Variants in PTPRD observed in about 807,000 individuals in gnomAD.
PTPRD encodes receptor-type tyrosine-protein phosphatase delta.
In PTPRD, 34 loss-of-function variants were observed where a neutral mutation model predicts 214.5. The ratio of observed to expected loss-of-function variants is 0.16; its 90% CI spans 0.12 to 0.21. The LOEUF (loss-of-function observed/expected upper bound fraction) is 0.21. PTPRD is among the 10% of genes least tolerant of loss of function. The pLI is 1.00. For missense variants in PTPRD, 2,545 were observed against 2,398.7 expected, an observed-to-expected ratio of 1.06 and a Z score of -1.27; for synonymous variants, 1,128 against 845.7, an observed-to-expected ratio of 1.33 and a Z score of -5.79.
chr9:8,422,147 CAAAAAAAAAAAAA>C (rs768623202), intron 35 of PTPRD, among the ~76,000 whole-genome samples: 2 of 33,992 alleles, frequency 5.9e-5, no homozygotes, highest in Non-Finnish European at 1.1e-4. Flanking sequence ...ACCCTGTCTC[CAAAAAAAAAAAAA>C]AAAAAAAAAA....
At chr9:8,462,643 G>C (rs2096444753) in intron 32 of PTPRD, among the ~76,000 whole-genome samples, 1 of 151,726 alleles carries the variant, frequency 6.6e-6, no homozygotes, top group Admixed American at 6.6e-5. Flanking sequence ...ACAACATTTA[G>C]CTCCTGAAAT....
At chr9:9,902,883 A>AT (rs2076724013) in intron 5 of PTPRD, among the ~76,000 whole-genome samples, 1 of 152,072 alleles carries the variant, frequency 6.6e-6, no homozygotes, top group African/African-American at 2.4e-5. Context: ...ACACAGCAAC[A>AT]TTTTCTACAT....
intron 9 of PTPRD, among the ~76,000 whole-genome samples, chr9:9,346,075 G>A (rs931428729): frequency 2.6e-5 from 4 of 152,032 alleles, no homozygotes; most frequent in African/African-American, 4.8e-5. Context: ...GCTCCCTCAC[G>A]TAGTGCTGTG....
intron 2 of PTPRD, among the ~76,000 whole-genome samples, chr9:10,487,174 T>G (rs912130229): frequency 1.3e-5 from 2 of 152,172 alleles, no homozygotes; most frequent in Non-Finnish European, 2.9e-5. Context: ...TTATTTTCAG[T>G]CTATGGGTAC....
At chr9:8,638,875 ACT>A (rs1183348003) in intron 12 of PTPRD, among the ~76,000 whole-genome samples, 1 of 151,810 alleles carries the variant, frequency 6.6e-6, no homozygotes, top group Non-Finnish European at 1.5e-5. Flanking sequence ...ATGGAGTCTC[ACT>A]CTGTCGCCAG....
intron 4 of PTPRD, among the ~76,000 whole-genome samples, chr9:9,955,506 T>TTTTTGTTTTG (rs1206298867): frequency 1.3e-5 from 2 of 149,806 alleles, no homozygotes; most frequent in Non-Finnish European, 3.0e-5. Flanking sequence ...GTTTTCGTTT[T>TTTTTGTTTTG]TTTTGTTTTG....
chr9:9,519,562 A>G (rs2154253189), intron 8 of PTPRD, among the ~76,000 whole-genome samples: 1 of 152,160 alleles, frequency 6.6e-6, no homozygotes, highest in East Asian at 1.9e-4. Flanking sequence ...GATCGTATGA[A>G]CAACTGTATT....
intron 8 of PTPRD, among the ~76,000 whole-genome samples, chr9:9,523,611 G>A (rs2097047289): frequency 6.6e-6 from 1 of 151,782 alleles, no homozygotes; most frequent in Admixed American, 6.6e-5. Context: ...AACTGCCCTT[G>A]TTAAAGTCCT....
At chr9:9,566,215 A>G (rs1478381743) in intron 8 of PTPRD, among the ~76,000 whole-genome samples, 4 of 152,020 alleles carry the variant, frequency 2.6e-5, no homozygotes, top group Non-Finnish European at 5.9e-5. Flanking sequence ...TATTTTGAAG[A>G]CTGTTATTAT....
chr9:10,445,357 G>C (rs2098791329), intron 2 of PTPRD, among the ~76,000 whole-genome samples: 1 of 152,026 alleles, frequency 6.6e-6, no homozygotes, highest in South Asian at 2.1e-4. Context: ...TTTTAGGCAG[G>C]TACAGAGAGA....
chr9:8,784,585 G>C (rs572251400), intron 11 of PTPRD, among the ~76,000 whole-genome samples: 1 of 152,094 alleles, frequency 6.6e-6, no homozygotes. Context: ...ATTAAACAGC[G>C]TCAGAACCTT....
intron 7 of PTPRD, among the ~76,000 whole-genome samples, chr9:9,639,305 T>C (rs940417723): frequency 6.6e-6 from 1 of 152,190 alleles, no homozygotes; most frequent in African/African-American, 2.4e-5. Flanking sequence ...CTACATTTTA[T>C]AGTTTGTGTT....
At chr9:8,924,991 T>C (rs1401720918) in intron 11 of PTPRD, among the ~76,000 whole-genome samples, 2 of 152,140 alleles carry the variant, frequency 1.3e-5, no homozygotes, top group Non-Finnish European at 2.9e-5. Flanking sequence ...CTTGGTCCCA[T>C]ATGTTATATT....
chr9:8,880,416 C>T (rs2098435708), intron 11 of PTPRD, among the ~76,000 whole-genome samples: 1 of 152,158 alleles, frequency 6.6e-6, no homozygotes, highest in African/African-American at 2.4e-5. Flanking sequence ...TTTTCTCTTT[C>T]TTTCACGAAG....
intron 3 of PTPRD, among the ~76,000 whole-genome samples, chr9:10,240,493 T>C (rs1005201736): frequency 1.3e-5 from 2 of 151,958 alleles, no homozygotes; most frequent in African/African-American, 4.8e-5. Context: ...AGATCACATT[T>C]ATACTATGAT....
At chr9:9,863,273 G>A (rs1600146760) in intron 5 of PTPRD, among the ~76,000 whole-genome samples, 1 of 152,132 alleles carries the variant, frequency 6.6e-6, no homozygotes, top group Non-Finnish European at 1.5e-5. Context: ...AGGGGAGTTG[G>A]ATTAATAACT....
intron 6 of PTPRD, among the ~76,000 whole-genome samples, chr9:9,762,195 G>A (rs1260672111): frequency 6.6e-6 from 1 of 152,138 alleles, no homozygotes; most frequent in Non-Finnish European, 1.5e-5. Flanking sequence ...CCTCTTGGAA[G>A]AATAGTGAAT....
chr9:10,574,765 ATGTG>A (rs34013585), intron 2 of PTPRD, among the ~76,000 whole-genome samples: 1 of 148,484 alleles, frequency 6.7e-6, no homozygotes, highest in African/African-American at 2.5e-5. Context: ...TCAAATATAT[ATGTG>A]TGTGTGTATA....
At position 8,341,704 on chromosome 9, in the gene PTPRD, G is replaced by A. The variant is rs764664438; in HGVS notation, c.4936C>T (p.Leu1646Phe). Residue 1646 changes from leucine to phenylalanine, a missense_variant, in exon 40 of 46, where the codon CTC (leucine) becomes TTC (phenylalanine). Coordinates refer to ENST00000381196, the MANE Select transcript of PTPRD (RefSeq NM_002839.4). Reference sequence around the variant, plus strand: ...ATCCAATACCATACCTTAAATTCGAGCTCCATTCCTGTGACATTCTCTCCC... The same window carrying A: ...ATCCAATACCATACCTTAAATTCGAACTCCATTCCTGTGACATTCTCTCCC... ...ETGENVTGME[L>F]EFKRLASSKA... 8.1e-6 allele frequency: 13 copies of A among 1,613,166 alleles called. No homozygotes were observed. Among genetic ancestry groups the A allele is most frequent in the Non-Finnish European group, 1.0e-5 (12 of 1,179,554 alleles).
Sources: gnomAD v4.1 joint callset for allele counts (sites outside exome capture counted in the v4.1 genomes callset) on GRCh38, gnomAD v4.1.1 for gene constraint, MANE v1.5 for transcripts, NCBI Gene and HGNC (gene_info 2026-07-23, HGNC 2026-07-21) for gene names.